Variants in GNG4 observed in about 807,000 individuals in gnomAD.
GNG4 encodes the protein guanine nucleotide-binding protein G(I)/G(S)/G(O) subunit gamma-4.
A neutral mutation model predicts 5.8 loss-of-function variants in GNG4; 4 were observed. That is an observed-to-expected ratio of 0.69 (90% CI 0.34 to 1.57). The LOEUF (loss-of-function observed/expected upper bound fraction) is 1.57. GNG4 is among the 40% of genes most tolerant of loss of function. The probability of loss-of-function intolerance (pLI) is 0.06; values close to 1 mark genes in which losing one functional copy is unlikely to be tolerated. For synonymous variants in GNG4, 29 were observed against 32.9 expected (o/e 0.88, Z 0.41); for missense variants, 96 against 95.1 (o/e 1.01, Z -0.04).
intron 3 of GNG4, among the ~76,000 whole-genome samples, chr1:235,573,852 A>G (rs1687413504): frequency 6.6e-6 from 1 of 152,206 alleles, no homozygotes; most frequent in Non-Finnish European, 1.5e-5. Flanking sequence ...CTGGTTAATT[A>G]TTGTACATCG....
intron 3 of GNG4, among the ~76,000 whole-genome samples, chr1:235,559,381 C>T (rs1461813835): frequency 1.3e-5 from 2 of 152,092 alleles, no homozygotes; most frequent in Non-Finnish European, 2.9e-5. Flanking sequence ...CAGGTATATA[C>T]CTCACCTTTA....
chr1:235,600,135 G>C (rs891291988), intron 1 of GNG4, among the ~76,000 whole-genome samples: 1 of 46,914 alleles, frequency 2.1e-5, no homozygotes, highest in African/African-American at 8.3e-5. Flanking sequence ...TTTTTAGACA[G>C]GCAGAGTCTC....
chr1:235,608,752 C>T (rs1015093031), intron 1 of GNG4, among the ~76,000 whole-genome samples: 1 of 151,060 alleles, frequency 6.6e-6, no homozygotes, highest in East Asian at 1.9e-4. Context: ...GGTGCAATCT[C>T]GGCTCACTGC....
chr1:235,607,937 ATTT>A lies in GNG4; in HGVS notation c.-122-12429_-122-12427del, dbSNP rs140271145. On this transcript the variant is annotated intron_variant, in intron 1 of 3. Transcript: ENST00000391854. The stretch of plus-strand genomic sequence containing the variant: ...ACCAGCTACAGGAAATGCTGTTTCT[ATTT>A]TTTTTTTTTTTTTTTGAGATGGAAT... 5.9e-3 allele frequency among the ~76,000 whole-genome samples: 787 copies of A among 132,732 alleles called. 1 individual carries two copies. Among genetic ancestry groups the A allele is most frequent in the African/African-American group, 0.016 (573 of 35,332 alleles). 87.1% of individuals were successfully genotyped at this position (132,732 alleles called of 152,430 possible).
At chr1:235,575,934 T>C (rs1687472477) in intron 3 of GNG4, among the ~76,000 whole-genome samples, 1 of 152,194 alleles carries the variant, frequency 6.6e-6, no homozygotes. Context: ...AACTCTGCAT[T>C]GTGGCTGTGC....
chr1:235,554,172 G>A (rs1488968719), intron 3 of GNG4, among the ~76,000 whole-genome samples: 1 of 152,176 alleles, frequency 6.6e-6, no homozygotes, highest in Non-Finnish European at 1.5e-5. Flanking sequence ...CACATGGTGA[G>A]TGCTGCAACT....
At chr1:235,579,183 T>C (rs1454453156) in intron 3 of GNG4, among the ~76,000 whole-genome samples, 3 of 152,092 alleles carry the variant, frequency 2.0e-5, no homozygotes, top group South Asian at 4.1e-4. Flanking sequence ...TAACAATGTA[T>C]TGTATACTTG....
intron 1 of GNG4, among the ~76,000 whole-genome samples, chr1:235,637,829 C>T (rs867446588): frequency 1.6e-4 from 25 of 152,302 alleles, no homozygotes; most frequent in South Asian, 8.3e-4. Flanking sequence ...TGGAGAGAGG[C>T]GGCACAGTCT....
intron 1 of GNG4, among the ~76,000 whole-genome samples, chr1:235,626,958 C>CAAAAAAAAAAAAAAAAAAA (rs776506587): frequency 2.6e-5 from 2 of 77,394 alleles, no homozygotes; most frequent in African/African-American, 5.0e-5. Context: ...GACTCTATCT[C>CAAAAAAAAAAAAAAAAAAA]AAAAAAAAAA....
chr1:235,612,649 A>G (rs1163160730), intron 1 of GNG4, among the ~76,000 whole-genome samples: 1 of 152,014 alleles, frequency 6.6e-6, no homozygotes, highest in East Asian at 1.9e-4. Context: ...CAGCCTCCCA[A>G]GTATCTGGAA....
chr1:235,580,739 GTTTTTTGTTTTT>G (rs1051336038), intron 3 of GNG4, among the ~76,000 whole-genome samples: 6 of 98,032 alleles, frequency 6.1e-5, no homozygotes, highest in Admixed American at 1.3e-4. Flanking sequence ...GGCCTATCCC[GTTTTTTGTTTTT>G]TTTTTTTTTT....
chr1:235,590,965 T>C (rs1687946010), intron 2 of GNG4, among the ~76,000 whole-genome samples: 2 of 152,184 alleles, frequency 1.3e-5, no homozygotes, highest in African/African-American at 4.8e-5. Flanking sequence ...ATGCAGATTT[T>C]GATCGAGTGG....
At chr1:235,600,941 C>G (rs192343974) in intron 1 of GNG4, among the ~76,000 whole-genome samples, 1 of 152,208 alleles carries the variant, frequency 6.6e-6, no homozygotes, top group African/African-American at 2.4e-5. Flanking sequence ...CAAGATAGGG[C>G]GGGCACGCCG....
At chr1:235,612,065 CAAAAAAAAAAA>C (rs68070269) in intron 1 of GNG4, among the ~76,000 whole-genome samples, 2 of 93,490 alleles carry the variant, frequency 2.1e-5, no homozygotes, top group East Asian at 3.3e-4. Flanking sequence ...CTTTGTCTCA[CAAAAAAAAAAA>C]AAAAAAAAAA....
intron 3 of GNG4, among the ~76,000 whole-genome samples, chr1:235,557,692 G>C (rs1300869781): frequency 6.6e-6 from 1 of 152,074 alleles, no homozygotes; most frequent in Non-Finnish European, 1.5e-5. Context: ...AACCTCAAGG[G>C]GGCGCCTCAC....
chr1:235,583,915 C>T, intron 2 of GNG4, 67 bp from the exon 3 acceptor site: 2 of 883,180 alleles, frequency 2.3e-6, no homozygotes, highest in Middle Eastern at 2.2e-4. Context: ...CCCCACCTCC[C>T]ACCACCTACA....
At chr1:235,570,862 A>ATATGTGTGTG (rs143958257) in intron 3 of GNG4, among the ~76,000 whole-genome samples, 47,266 of 140,860 alleles carry the variant, frequency 0.34, 9,237 homozygotes, top group East Asian at 0.73. Context: ...ATATATATAT[A>ATATGTGTGTG]TGTGTGTGTG....
chr1:235,608,042 A>T (rs1454679779), intron 1 of GNG4, among the ~76,000 whole-genome samples: 1 of 149,866 alleles, frequency 6.7e-6, no homozygotes, highest in African/African-American at 2.5e-5. Context: ...GGCTCAGGCC[A>T]TTCTCCTTCC....
chr1:235,587,372 T>A (rs111206098), intron 2 of GNG4, among the ~76,000 whole-genome samples: 8,904 of 24,438 alleles, frequency 0.36, 1,394 homozygotes, highest in African/African-American at 0.64. Flanking sequence ...TGTGTGTGAG[T>A]GTGTGTGTGA....
Sources: allele counts gnomAD v4.1 joint callset (sites outside exome capture counted in the v4.1 genomes callset), GRCh38; gene constraint gnomAD v4.1.1; transcripts MANE v1.5; gene names NCBI Gene and HGNC (gene_info 2026-07-23, HGNC 2026-07-21).